The following SIM2 variants were observed in gnomAD, a reference collection of about 807,000 sequenced individuals.
SIM2 encodes SIM bHLH transcription factor 2.
In SIM2, 28 loss-of-function variants were observed where a neutral mutation model predicts 64.8. The ratio of observed to expected loss-of-function variants is 0.43; its 90% CI spans 0.32 to 0.59. The LOEUF (loss-of-function observed/expected upper bound fraction) is 0.59. SIM2 is among the 20% of genes least tolerant of loss of function. The pLI is 0.07. For synonymous variants in SIM2, 408 were observed against 391.1 expected, an observed-to-expected ratio of 1.04 and a Z score of -0.51; for missense variants, 847 against 871.4, an observed-to-expected ratio of 0.97 and a Z score of 0.35.
At chr21:36,711,942 C>G (rs1307307151) in intron 2 of SIM2, among the ~76,000 whole-genome samples, 1 of 152,144 alleles carries the variant, frequency 6.6e-6, no homozygotes, top group East Asian at 1.9e-4. Context: ...TTGAATTTTG[C>G]AAAGGTTATT....
intron 6 of SIM2, 39 bp from the exon 7 acceptor site, chr21:36,731,006 C>T (rs189923799): frequency 9.1e-6 from 13 of 1,428,628 alleles, no homozygotes; most frequent in Non-Finnish European, 1.1e-5. Flanking sequence ...AGGCAGTCTG[C>T]AGAGTGGCGT....
At chr21:36,719,765 C>CT in intron 3 of SIM2, 56 bp from the exon 4 acceptor site, 1 of 1,052,742 alleles carries the variant, frequency 9.5e-7, no homozygotes, top group Non-Finnish European at 1.5e-6. Context: ...TTGCCCCTCC[C>CT]CCTGCGCCAA....
At chr21:36,721,663 G>A (rs1236442872) in intron 4 of SIM2, among the ~76,000 whole-genome samples, 2 of 152,126 alleles carry the variant, frequency 1.3e-5, no homozygotes, top group Middle Eastern at 3.4e-3. Context: ...GACTGGTCTC[G>A]AACCTCAGGC....
intron 7 of SIM2, among the ~76,000 whole-genome samples, chr21:36,737,984 C>CAAAAAAAAAAGCA (rs71326699): frequency 1.1e-5 from 1 of 90,246 alleles, no homozygotes; most frequent in Non-Finnish European, 2.1e-5. Flanking sequence ...AAAAAAAAAG[C>CAAAAAAAAAAGCA]AAAAAAAAAG....
chr21:36,725,329 A>T (rs1434052802), intron 5 of SIM2, among the ~76,000 whole-genome samples: 1 of 152,172 alleles, frequency 6.6e-6, no homozygotes, highest in Admixed American at 6.5e-5. Flanking sequence ...AGCCTGAATG[A>T]CAGTGAGACC....
intron 7 of SIM2, among the ~76,000 whole-genome samples, chr21:36,737,973 A>AAAAAAAAAGC (rs1568939107): frequency 2.5e-5 from 3 of 120,236 alleles, no homozygotes; most frequent in Non-Finnish European, 3.9e-5. Flanking sequence ...AAAAAAAAAA[A>AAAAAAAAAGC]AAAAAAAAAG....
chr21:36,727,225 C>T (rs897838645), intron 6 of SIM2, among the ~76,000 whole-genome samples: 4 of 151,716 alleles, frequency 2.6e-5, no homozygotes, highest in African/African-American at 4.8e-5. Flanking sequence ...AGTAGAGATG[C>T]GGTTTCACTA....
chr21:36,736,984 T>C (rs573311926), intron 7 of SIM2, among the ~76,000 whole-genome samples: 2 of 152,224 alleles, frequency 1.3e-5, no homozygotes, highest in South Asian at 2.1e-4. Flanking sequence ...TGGAATACAG[T>C]AGCGTGGTCG....
chr21:36,737,961 C>CAAAAAAAAAAAAAAAA (rs61252184), intron 7 of SIM2, among the ~76,000 whole-genome samples: 26 of 34,126 alleles, frequency 7.6e-4, no homozygotes, highest in African/African-American at 1.2e-3. Flanking sequence ...GACCCTGTCT[C>CAAAAAAAAAAAAAAAA]AAAAAAAAAA....
At chr21:36,727,147 G>C (rs757049548) in intron 6 of SIM2, among the ~76,000 whole-genome samples, 18 of 152,252 alleles carry the variant, frequency 1.2e-4, no homozygotes, top group Non-Finnish European at 5.9e-5. Context: ...AAGCGATTCT[G>C]CCTCAGCCTC....
chr21:36,707,286 A>G (rs1203983726), intron 1 of SIM2, among the ~76,000 whole-genome samples: 1 of 152,180 alleles, frequency 6.6e-6, no homozygotes, highest in Non-Finnish European at 1.5e-5. Flanking sequence ...GGTTCTTGCC[A>G]TTGCTAACAG....
intron 1 of SIM2, among the ~76,000 whole-genome samples, chr21:36,701,853 G>A (rs1203753809): frequency 6.6e-6 from 1 of 152,302 alleles, no homozygotes; most frequent in Middle Eastern, 3.4e-3. Context: ...TTCCTTAACC[G>A]CATGCAACAA....
intron 8 of SIM2, among the ~76,000 whole-genome samples, chr21:36,742,257 T>A (rs2123501581): frequency 6.6e-6 from 1 of 152,286 alleles, no homozygotes; most frequent in Admixed American, 6.5e-5. Flanking sequence ...TATAAGCCTT[T>A]AGGTCATCTT....
chr21:36,724,241 G>A (rs563252550), intron 5 of SIM2, among the ~76,000 whole-genome samples: 1 of 152,190 alleles, frequency 6.6e-6, no homozygotes, highest in African/African-American at 2.4e-5. Context: ...TTTGGGCCAC[G>A]GTGGGGCCCC....
At chr21:36,744,009 G>A (rs2089196657) in intron 9 of SIM2, among the ~76,000 whole-genome samples, 1 of 152,226 alleles carries the variant, frequency 6.6e-6, no homozygotes, top group Non-Finnish European at 1.5e-5. Context: ...AGCACTTTGG[G>A]AGGCCGAGGC....
chr21:36,702,892 G>A (rs1284890289), intron 1 of SIM2, among the ~76,000 whole-genome samples: 1 of 150,862 alleles, frequency 6.6e-6, no homozygotes, highest in Non-Finnish European at 1.5e-5. Flanking sequence ...CAAAGCAAGT[G>A]GATTGCTGGG....
chr21:36,745,115 A>G lies in SIM2; in HGVS notation c.1555A>G (p.Ser519Gly). 2 of 1,611,856 alleles carry G rather than the reference A, an allele frequency of 1.2e-6. No homozygotes were observed. The highest frequency in any genetic ancestry group is 8.5e-7 in the Non-Finnish European group (1 of 1,178,696). The change falls in exon 10 of 11, where the codon AGC becomes GGC. Residue 519 changes from serine (S) to glycine (G), a missense_variant. Transcript: ENST00000290399. The surrounding 1 kb of genome is among the most constrained non-coding windows in gnomAD (Gnocchi z 4.8). Reference sequence around the variant, plus strand: ...GCCACCGGCGAACACTGCTAGGCACAGCCTGGTGCCAAGCTACGAAGGTGG... The same window carrying G: ...GCCACCGGCGAACACTGCTAGGCACGGCCTGGTGCCAAGCTACGAAGGTGG... The part of the protein sequence containing the change: ...PEPPANTARH[S>G]LVPSYEAPAA...
intron 3 of SIM2, among the ~76,000 whole-genome samples, chr21:36,715,285 T>A (rs1010466524): frequency 6.6e-6 from 1 of 151,790 alleles, no homozygotes; most frequent in Non-Finnish European, 1.5e-5. Flanking sequence ...ACAATGTGTA[T>A]TTTTTTCTGT....
chr21:36,741,449 T>A (rs1189665850), intron 7 of SIM2, among the ~76,000 whole-genome samples: 3 of 152,244 alleles, frequency 2.0e-5, no homozygotes, highest in Non-Finnish European at 4.4e-5. Flanking sequence ...TTTCCCTCAA[T>A]GAAAGCAATG....
Sources: gnomAD v4.1 joint callset for allele counts (sites outside exome capture counted in the v4.1 genomes callset) on GRCh38, gnomAD v4.1.1 for gene constraint, Gnocchi (gnomAD v3.1) non-coding constraint, MANE v1.5 for transcripts, NCBI Gene and HGNC (gene_info 2026-07-23, HGNC 2026-07-21) for gene names.